PKD1L3: variants seen among roughly 807,000 people sequenced by gnomAD.
PKD1L3 encodes polycystin 1 like 3, transient receptor potential channel interacting.
Under a neutral mutation model 184.1 loss-of-function variants are expected in PKD1L3, and 239 were observed. The observed-to-expected ratio is 1.30, with a 90% CI of 1.17 to 1.45. The LOEUF is 1.45. Among genes scored for constraint, PKD1L3 ranks in the 40% most tolerant of loss-of-function variants. The pLI, the probability that PKD1L3 is intolerant of heterozygous loss-of-function variation, is 0.00. For missense variants in PKD1L3, 2,660 were observed against 2,067.2 expected, an observed-to-expected ratio of 1.29 and a Z score of -5.56; for synonymous variants, 996 against 778.8, an observed-to-expected ratio of 1.28 and a Z score of -4.64.
Position 71,978,366 on chromosome 16 carries a change from G to T in PKD1L3, c.1416C>A (p.Phe472Leu). Residue 472 changes from phenylalanine (F) to leucine (L), a missense_variant, in exon 10 of 30, where the codon TTC (phenylalanine) becomes TTA (leucine). Physicochemically the swap from Phe to Leu is conservative, Grantham distance 22. Transcript: ENST00000620267. ...GVNVQITGLA[F>L]NPFKDLDNRN... ...TGTTGTCCAAATCCTTGAAGGGATT[G>T]AAAGCTAGTCCTGTTATCTAAAGAC... 1 of 1,549,758 alleles carries T rather than the reference G, an allele frequency of 6.5e-7. No individual in the cohort carries two copies. Among genetic ancestry groups the T allele is most frequent in the South Asian group, 1.2e-5 (1 of 84,012 alleles).
rs71153688 is a variant in PKD1L3, at chr16:71,976,264, C to CTTTTTTTTT, written c.1759+963_1759+971dup. Among the ~76,000 whole-genome samples the CTTTTTTTTT allele has an allele frequency of 2.4e-3, 195 of 81,760 alleles. 19 individuals carry two copies. Among genetic ancestry groups the CTTTTTTTTT allele is most frequent in the African/African-American group, 8.0e-3 (169 of 21,042 alleles). 53.6% of individuals were successfully genotyped at this position (81,760 alleles called of 152,430 possible). A position where few individuals can be genotyped will look rare whatever the true frequency, so the allele number is the denominator to read the frequency against. On this transcript the variant is annotated intron_variant, in intron 11 of 29. Transcript: ENST00000620267. ...ATGAGCCACTGAGTGCCCAGCCTGT[C>CTTTTTTTTT]TTTTTTTTTTTTTTTTAAGACAGTC... is the stretch of plus-strand genomic sequence containing the variant.
intron 3 of PKD1L3, among the ~76,000 whole-genome samples, chr16:71,992,449 G>T (rs1387165937): frequency 3.9e-5 from 6 of 152,170 alleles, no homozygotes; most frequent in African/African-American, 1.4e-4. Context: ...CACATTGCGG[G>T]ACACAGCTTA....
chr16:71,933,351 A>G, intron 28 of PKD1L3, 69 bp downstream of exon 28: 1 of 1,223,238 alleles, frequency 8.2e-7, no homozygotes, highest in Non-Finnish European at 1.2e-6. Context: ...GGCTGTTTTC[A>G]TAAGGACCCC....
In PKD1L3 at chr16:71,980,106, A is replaced by G. The variant is rs997368857; in HGVS notation, c.1172T>C (p.Val391Ala). The G allele has an allele frequency of 1.3e-6, 2 of 1,551,664 alleles. No homozygotes were observed. The highest frequency in any genetic ancestry group is 3.9e-5 in the Admixed American group (2 of 50,990). ...TGCTTCCCCGATATTCCCAAACTCCACCAAGGACATTTCCAGGATGTCTTC... is the reference window on the plus strand; with the variant it reads ...TGCTTCCCCGATATTCCCAAACTCCGCCAAGGACATTTCCAGGATGTCTTC... ...PVEDILEMSL[V>A]EFGNIGEAFL... Residue 391 changes from valine to alanine, a missense_variant, in exon 8 of 30, where the codon GTG (valine) becomes GCG (alanine). By Grantham distance (64) the Val-to-Ala change is moderately conservative. Transcript: ENST00000620267.
chr16:71,983,329 T>G lies in PKD1L3; in HGVS notation c.966+707A>C, dbSNP rs192389953. Among the ~76,000 whole-genome samples, 240 of 152,170 alleles carry G rather than the reference T, an allele frequency of 1.6e-3. 1 individual carries two copies. The highest frequency in any genetic ancestry group is 5.7e-3 in the African/African-American group (235 of 41,516). ...ACCCAGTTAAGTTTTGTATTTTTGA[T>G]AGAGACAGGGTTTCACCATGTTGCC... On this transcript the variant is annotated intron_variant, in intron 6 of 29. Coordinates refer to ENST00000620267, the MANE Select transcript of PKD1L3 (RefSeq NM_181536.2).
At chr16:71,960,317 T>C (rs1218752145) in intron 16 of PKD1L3, among the ~76,000 whole-genome samples, 2 of 152,186 alleles carry the variant, frequency 1.3e-5, no homozygotes, top group Admixed American at 6.6e-5. Context: ...AATGTAAACA[T>C]ATTAAACTCA....
chr16:71,933,972 G>A lies in PKD1L3; in HGVS notation c.4767C>T (p.Asp1589=), dbSNP rs149386661. The change falls in exon 27 of 30, where the codon GAC becomes GAT. Residue 1589 remains aspartate (D), a synonymous_variant. Coordinates refer to ENST00000620267, the MANE Select transcript of PKD1L3 (RefSeq NM_181536.2). ...TGATCAGCAGAAAGCCCACCACCTC[G>A]TCCCAGGCTCGGCTCAGTGTCCTGC... is the stretch of plus-strand genomic sequence containing the variant. ...VISRTLSRAW[D]EVVGFLLIIL... is the part of the protein sequence containing the mutation. 8 of 1,551,624 alleles carry A rather than the reference G, an allele frequency of 5.2e-6. No homozygotes were observed. Among genetic ancestry groups the A allele is most frequent in the East Asian group, 4.9e-5 (2 of 40,914 alleles).
Position 71,973,304 on chromosome 16 carries a change from G to C in PKD1L3, c.1953+20C>G, listed in dbSNP as rs1597345509. 3 of 1,549,900 alleles carry C rather than the reference G, an allele frequency of 1.9e-6. No individual in the cohort carries two copies. The highest frequency in any genetic ancestry group is 2.0e-5 in the Admixed American group (1 of 50,948). On this transcript the variant is annotated intron_variant, in intron 12 of 29. Transcript: ENST00000620267. ...TAGCTATGGCAGAAGAGAGGCCCAAGAAGCGGCTCAGTTTCTTACTTGGCA... is the reference window on the plus strand; with the variant it reads ...TAGCTATGGCAGAAGAGAGGCCCAACAAGCGGCTCAGTTTCTTACTTGGCA...
chr16:71,986,338 C>T lies in PKD1L3; in HGVS notation c.717G>A (p.Val239=). The T allele has an allele frequency of 6.4e-7, 1 of 1,552,050 alleles. No homozygotes were observed. The highest frequency in any genetic ancestry group is 1.2e-5 in the South Asian group (1 of 84,058). ...LPVITQLTMP[V]SVTHAGQSLA... is the part of the protein sequence containing the mutation. ...GAGATTGCCCAGCATGCGTGACAGA[C>T]ACGGGCATGGTGAGCTGTGTTATCA... is the stretch of plus-strand genomic sequence containing the variant. Residue 239 remains valine (V), a synonymous_variant, in exon 5 of 30, where the codon GTG becomes GTA. Coordinates refer to ENST00000620267, the MANE Select transcript of PKD1L3 (RefSeq NM_181536.2).
intron 4 of PKD1L3, among the ~76,000 whole-genome samples, chr16:71,989,326 T>C (rs1385207884): frequency 1.3e-5 from 2 of 152,194 alleles, no homozygotes; most frequent in East Asian, 3.9e-4. Flanking sequence ...CTAATTTTTA[T>C]ACTTTTAGTA....
intron 4 of PKD1L3, 116 bp from the exon 5 acceptor site, chr16:71,986,585 TTC>T (rs762392191): frequency 8.4e-7 from 1 of 1,185,968 alleles, no homozygotes; most frequent in East Asian, 2.6e-5. Flanking sequence ...TAATAGGCAT[TTC>T]TGTTAAAAAA....
At position 71,942,609 on chromosome 16, in the gene PKD1L3, G is replaced by C. The variant is rs780037590; in HGVS notation, c.4275C>G (p.His1425Gln). The change falls in exon 24 of 30, where the codon CAC becomes CAG. Residue 1425 changes from histidine (H) to glutamine (Q), a missense_variant. His to Gln is a conservative substitution (Grantham distance 24, BLOSUM62 0). Transcript: ENST00000620267. ...TCTCATTCTTGCTTGTCAGCCTTTC[G>C]TGAAGCTCATCAGTGGGAATCAGCA... ...PMVLIPTDEL[H>Q]ERLTSKNENG... 5 of 1,551,468 alleles carry C rather than the reference G, an allele frequency of 3.2e-6. No individual in the cohort carries two copies. The highest frequency in any genetic ancestry group is 2.7e-5 in the African/African-American group (2 of 72,982).
At chr16:71,933,715 C>T (rs1290158387) in intron 27 of PKD1L3, among the ~76,000 whole-genome samples, 194 bp from the exon 28 acceptor site, 1 of 152,068 alleles carries the variant, frequency 6.6e-6, no homozygotes, top group Non-Finnish European at 1.5e-5. Context: ...TTTATATTAC[C>T]GTGTGAGCTA....
Position 71,977,418 on chromosome 16 carries a change from T to C in PKD1L3, c.1577A>G (p.Asn526Ser), listed in dbSNP as rs1597353200. 1.3e-6 allele frequency: 2 copies of C among 1,551,668 alleles called. No homozygotes were observed. Among genetic ancestry groups the C allele is most frequent in the South Asian group, 2.4e-5 (2 of 84,060 alleles). Residue 526 changes from asparagine to serine, a missense_variant, in exon 11 of 30, where the codon AAC (asparagine) becomes AGC (serine). Physicochemically the swap from Asn to Ser is conservative, Grantham distance 46. Transcript: ENST00000620267. Reference protein sequence around the residue: ...VSLETHPTSLNMSTHQLTITV... With the variant: ...VSLETHPTSLSMSTHQLTITV... ...GATTGTAAGCTGATGTGTGCTCATG[T>C]TGAGGCTGGTGGGATGGGTTTCCAA...
intron 6 of PKD1L3, 119 bp downstream of exon 6, chr16:71,983,917 C>A: frequency 1.5e-6 from 2 of 1,344,716 alleles, no homozygotes; most frequent in South Asian, 1.5e-5. Context: ...CCCGCCTCGG[C>A]CTTCTAAAGT....
At chr16:71,978,056 G>A (rs866701944) in intron 10 of PKD1L3, among the ~76,000 whole-genome samples, 199 bp downstream of exon 10, 13 of 152,306 alleles carry the variant, frequency 8.5e-5, no homozygotes, top group Middle Eastern at 6.8e-3. Context: ...TTACAGGCAT[G>A]AGCCACTGCG....
At position 71,970,035 on chromosome 16, in the gene PKD1L3, A is replaced by T. The variant is rs1426948760; in HGVS notation, c.2024T>A (p.Phe675Tyr). ...CNHLTFFASDFFVVPRTVNVE... is the reference protein window; with the variant it reads ...CNHLTFFASDYFVVPRTVNVE... ...ATTCACGGTCCTGGGCACGACAAAG[A>T]AGTCGCTGGCAAAGAAGGTCAGGTG... Residue 675 changes from phenylalanine to tyrosine, a missense_variant, in exon 13 of 30, where the codon TTC (phenylalanine) becomes TAC (tyrosine). Transcript: ENST00000620267. The T allele has an allele frequency of 1.9e-6, 3 of 1,551,556 alleles. No individual in the cohort carries two copies. The highest frequency in any genetic ancestry group is 3.9e-5 in the Admixed American group (2 of 50,958).
intron 28 of PKD1L3, 140 bp from the exon 29 acceptor site, chr16:71,930,323 TAAG>T (rs1413790765): frequency 3.6e-6 from 3 of 833,992 alleles, no homozygotes; most frequent in Non-Finnish European, 5.1e-6. Flanking sequence ...CAAAAGATAA[TAAG>T]AAGGAAAATA....
chr16:71,968,726 G>C (rs748753071), intron 13 of PKD1L3, among the ~76,000 whole-genome samples: 1 of 151,942 alleles, frequency 6.6e-6, no homozygotes, highest in African/African-American at 2.4e-5. Flanking sequence ...CTCCTGAGTA[G>C]TTGGGACTAC....
Sources: gnomAD v4.1 joint callset for allele counts (sites outside exome capture counted in the v4.1 genomes callset) on GRCh38, gnomAD v4.1.1 for gene constraint, MANE v1.5 for transcripts, NCBI Gene and HGNC (gene_info 2026-07-23, HGNC 2026-07-21) for gene names.